The following LY96 variants were observed in gnomAD, a reference collection of about 807,000 sequenced individuals.
LY96 encodes the protein myeloid differentiation protein-2.
In LY96, 18 loss-of-function variants were observed where a neutral mutation model predicts 18.9. The ratio of observed to expected loss-of-function variants is 0.95; its 90% CI spans 0.66 to 1.41. The LOEUF (loss-of-function observed/expected upper bound fraction) is 1.41. Among genes scored for constraint, LY96 ranks in the 40% most tolerant of loss-of-function variants. The pLI, the probability that LY96 is intolerant of heterozygous loss-of-function variation, is 0.00. For missense variants in LY96, 175 were observed against 182.4 expected (o/e 0.96, Z 0.23); for synonymous variants, 66 against 62.6 (o/e 1.06, Z -0.26).
At chr8:74,081,127 TTCC>T in the LY96 span, among the ~76,000 whole-genome samples, 5 of 143,730 alleles carry the variant, frequency 3.5e-5, no homozygotes, top group East Asian at 4.0e-4. Flanking sequence ...CTTTCTTTCC[TTCC>T]TTCCTTCCTT....
the LY96 span, among the ~76,000 whole-genome samples, chr8:74,038,821 A>C: frequency 1.3e-5 from 2 of 152,360 alleles, no homozygotes; most frequent in African/African-American, 4.8e-5. Flanking sequence ...GCTGCAATAA[A>C]CATGGGCATG....
chr8:74,054,673 T>TTTCTTTCTTTC, the LY96 span, among the ~76,000 whole-genome samples: 1 of 144,686 alleles, frequency 6.9e-6, no homozygotes, highest in East Asian at 2.1e-4. Context: ...TCTTTCTTTC[T>TTTCTTTCTTTC]TTTTATTTGA....
At chr8:74,048,050 C>T in the LY96 span, among the ~76,000 whole-genome samples, 3 of 152,078 alleles carry the variant, frequency 2.0e-5, no homozygotes, top group South Asian at 2.1e-4. Flanking sequence ...AGGTACACAC[C>T]GCCACACAGC....
chr8:74,009,745 T>A (rs191246084), intron 2 of LY96, among the ~76,000 whole-genome samples: 8 of 152,328 alleles, frequency 5.3e-5, no homozygotes, highest in African/African-American at 1.4e-4. Context: ...AAGGCTCTTC[T>A]GTTTTTAGGC....
intron 1 of LY96, among the ~76,000 whole-genome samples, chr8:73,999,435 T>A (rs1157482582): frequency 6.6e-6 from 1 of 152,164 alleles, no homozygotes; most frequent in Non-Finnish European, 1.5e-5. Context: ...AATTTTTGTA[T>A]TTTTTGTACA....
chr8:74,009,374 CAAAAAAAAA>C (rs370593442), intron 2 of LY96, among the ~76,000 whole-genome samples: 1 of 58,818 alleles, frequency 1.7e-5, no homozygotes, highest in Non-Finnish European at 3.6e-5. Context: ...CAGTCTTTCT[CAAAAAAAAA>C]AAAAAAAAAA....
At chr8:74,084,333 G>T in the LY96 span, among the ~76,000 whole-genome samples, 4 of 152,138 alleles carry the variant, frequency 2.6e-5, no homozygotes, top group Admixed American at 2.0e-4. Context: ...ATTAGAGGTT[G>T]CTCAGTGGTA....
chr8:74,087,687 G>T, the LY96 span, among the ~76,000 whole-genome samples: 1 of 152,216 alleles, frequency 6.6e-6, no homozygotes, highest in Non-Finnish European at 1.5e-5. Context: ...GGTGTGAAAA[G>T]TGAGACTTCC....
the LY96 span, among the ~76,000 whole-genome samples, chr8:74,086,643 T>C: frequency 6.6e-6 from 1 of 152,242 alleles, no homozygotes; most frequent in African/African-American, 2.4e-5. Context: ...GCTGTTTGCT[T>C]GAGCTTGGTC....
chr8:74,010,260 T>C (rs1816504252), intron 3 of LY96, 131 bp downstream of exon 3: 3 of 790,462 alleles, frequency 3.8e-6, no homozygotes, highest in Admixed American at 2.4e-5. Flanking sequence ...AAGTTTTTAC[T>C]TTAGCAGCTT....
At chr8:74,051,938 A>G in the LY96 span, among the ~76,000 whole-genome samples, 1 of 152,114 alleles carries the variant, frequency 6.6e-6, no homozygotes, top group Non-Finnish European at 1.5e-5. Flanking sequence ...AAATTATTGA[A>G]TTTTCAAGTT....
At chr8:74,081,233 T>C in the LY96 span, among the ~76,000 whole-genome samples, 1 of 148,286 alleles carries the variant, frequency 6.7e-6, no homozygotes, top group Non-Finnish European at 1.5e-5. Flanking sequence ...TCTTTCTCTC[T>C]TTCTTTCCCT....
At chr8:74,046,264 G>T in the LY96 span, among the ~76,000 whole-genome samples, 1 of 152,170 alleles carries the variant, frequency 6.6e-6, no homozygotes, top group Non-Finnish European at 1.5e-5. Flanking sequence ...GGGTGACAGA[G>T]TGAGACTCCT....
At chr8:74,017,904 C>G (rs140425838) in intron 3 of LY96, among the ~76,000 whole-genome samples, 6,341 of 152,214 alleles carry the variant, frequency 0.042, 151 homozygotes, top group Middle Eastern at 0.061. Flanking sequence ...GAAGGAAGCA[C>G]TAAACATGGA....
chr8:74,086,928 G>A, the LY96 span, among the ~76,000 whole-genome samples: 1 of 152,198 alleles, frequency 6.6e-6, no homozygotes, highest in African/African-American at 2.4e-5. Context: ...AGGCCTGTGA[G>A]AAATAAATTT....
At chr8:74,069,522 C>A in the LY96 span, among the ~76,000 whole-genome samples, 3 of 152,310 alleles carry the variant, frequency 2.0e-5, no homozygotes, top group South Asian at 6.2e-4. Flanking sequence ...ATGTTCAGTT[C>A]CCCATCTACC....
chr8:74,005,722 T>G (rs895097715), intron 2 of LY96, among the ~76,000 whole-genome samples: 9 of 152,182 alleles, frequency 5.9e-5, no homozygotes, highest in African/African-American at 2.2e-4. Flanking sequence ...CTAACGCAGG[T>G]GGGGTGATAG....
intron 3 of LY96, among the ~76,000 whole-genome samples, chr8:74,014,316 TGG>T (rs1277250255): frequency 7.0e-6 from 1 of 143,446 alleles, no homozygotes; most frequent in Non-Finnish European, 1.5e-5. Flanking sequence ...GGGACTGAGG[TGG>T]GAGGATCACT....
chr8:73,996,748 G>T (rs1049561355), intron 1 of LY96, among the ~76,000 whole-genome samples: 1 of 151,492 alleles, frequency 6.6e-6, no homozygotes, highest in Admixed American at 6.6e-5. Context: ...TTTGGGGGAT[G>T]GGATTTATTT....
Sources: allele counts gnomAD v4.1 joint callset (sites outside exome capture counted in the v4.1 genomes callset), GRCh38; gene constraint gnomAD v4.1.1; transcripts MANE v1.5; gene names NCBI Gene and HGNC (gene_info 2026-07-23, HGNC 2026-07-21).